ENO1: variants seen among roughly 807,000 people sequenced by gnomAD.
ENO1 encodes the protein enolase 1.
Under a neutral mutation model 46.3 loss-of-function variants are expected in ENO1, and 33 were observed. That is an observed-to-expected ratio of 0.71 (90% CI 0.54 to 0.95). The LOEUF is 0.95. Ranked by LOEUF, ENO1 falls within the 40% of genes least tolerant of loss-of-function variation. The pLI is 0.00. For missense variants in ENO1, 488 were observed against 553.3 expected, an observed-to-expected ratio of 0.88 and a Z score of 1.18; for synonymous variants, 220 against 216.0, an observed-to-expected ratio of 1.02 and a Z score of -0.16.
At chr1:8,870,857 T>G in intron 3 of ENO1, 1 of 1,317,338 alleles carries the variant, frequency 7.6e-7, no homozygotes, top group Admixed American at 3.3e-5. Flanking sequence ...AGGAACTCAT[T>G]AATATACTTA....
chr1:8,870,976 G>C, intron 3 of ENO1: 1 of 1,245,124 alleles, frequency 8.0e-7, no homozygotes, highest in Non-Finnish European at 1.0e-6. Context: ...GAGGGGGCAG[G>C]AAAGCAGAGG....
chr1:8,870,601 C>T (rs1642610717), intron 3 of ENO1, 91 bp from the exon 4 acceptor site: 12 of 1,577,026 alleles, frequency 7.6e-6, no homozygotes, highest in African/African-American at 4.0e-5. Context: ...GAGGCCGACG[C>T]GGAAGCCCAC....
intron 6 of ENO1, 44 bp from the exon 7 acceptor site, chr1:8,866,545 G>T: frequency 6.3e-7 from 1 of 1,599,600 alleles, no homozygotes. Flanking sequence ...GGTCCAGAGA[G>T]CCCCACAGGG....
intron 3 of ENO1, chr1:8,871,534 C>A (rs1233583960): frequency 1.9e-6 from 2 of 1,048,062 alleles, no homozygotes; most frequent in Non-Finnish European, 2.3e-6. Flanking sequence ...CTCTGGAGGG[C>A]CCACAGAACC....
intron 3 of ENO1, chr1:8,871,196 G>A: frequency 1.9e-6 from 2 of 1,065,778 alleles, no homozygotes; most frequent in Non-Finnish European, 2.3e-6. Context: ...TGCGACACCA[G>A]CCCAGTGTTT....
Position 8,865,289 on chromosome 1 carries a change from G to A in ENO1, c.861C>T (p.Tyr287=), listed in dbSNP as rs1159162352. 2 of 1,614,130 alleles carry A rather than the reference G, an allele frequency of 1.2e-6. No individual in the cohort carries two copies. Among genetic ancestry groups the A allele is most frequent in the African/African-American group, 1.3e-5 (1 of 75,034 alleles). Reference sequence around the variant, plus strand: ...TGGCACTCGGGGAACACTCACCTGGGTAGTCCTTGATGAAGGACTTGTACA... The same window carrying A: ...TGGCACTCGGGGAACACTCACCTGGATAGTCCTTGATGAAGGACTTGTACA... ...ADLYKSFIKD[Y]PVVSIEDPFD... Residue 287 remains tyrosine, a synonymous_variant, in exon 8 of 12, where the codon TAC becomes TAT. Transcript: ENST00000234590.
At chr1:8,876,029 C>T (rs143673335) in intron 1 of ENO1, 7 of 151,776 alleles carry the variant, frequency 4.6e-5, no homozygotes, top group African/African-American at 1.7e-4. Context: ...CCTTTAACAC[C>T]ACCTTAAAAA....
rs1239302356 is a variant in ENO1, at chr1:8,874,833, T to C, written c.76A>G (p.Thr26Ala). ...AGGAGGTGGCACATACCTTTTGAGG[T>C]GAAGAGATCAACCTCAACAGTGGGA... is the stretch of plus-strand genomic sequence containing the variant. ...GNPTVEVDLF[T>A]SKGLFRAAVP... Residue 26 changes from threonine to alanine, a missense_variant, in exon 2 of 12, where the codon ACC becomes GCC. Physicochemically the swap from Thr to Ala is moderately conservative, Grantham distance 58. Transcript: ENST00000234590. 1 of 1,613,070 alleles carries C rather than the reference T, an allele frequency of 6.2e-7. No homozygotes were observed. The highest frequency in any genetic ancestry group is 1.3e-5 in the African/African-American group (1 of 74,882).
At chr1:8,870,663 CG>C (rs1394403490) in intron 3 of ENO1, 153 bp from the exon 4 acceptor site, 4 of 1,488,000 alleles carry the variant, frequency 2.7e-6, no homozygotes, top group Non-Finnish European at 2.7e-6. Context: ...CCCCCAGAAT[CG>C]GAGGACTTTC....
chr1:8,878,180 C>A (rs1032561220), intron 1 of ENO1: 1 of 171,316 alleles, frequency 5.8e-6, no homozygotes, highest in African/African-American at 2.4e-5. Flanking sequence ...GAGTGGCCAC[C>A]GCCGCTAAGT....
chr1:8,867,550 A>C (rs1408502608), intron 5 of ENO1, among the ~76,000 whole-genome samples: 1 of 114,436 alleles, frequency 8.7e-6, no homozygotes, highest in Non-Finnish European at 2.1e-5. Context: ...TATTCAAAAA[A>C]AATTTTTTTT....
At chr1:8,876,516 T>C (rs1005687888) in intron 1 of ENO1, among the ~76,000 whole-genome samples, 3 of 152,220 alleles carry the variant, frequency 2.0e-5, no homozygotes, top group Admixed American at 6.5e-5. Flanking sequence ...ACCACTGTGG[T>C]ATACTTTGAG....
At chr1:8,868,113 T>C (rs1642561947) in intron 4 of ENO1, 56 bp from the exon 5 acceptor site, 2 of 1,271,270 alleles carry the variant, frequency 1.6e-6, no homozygotes, top group South Asian at 2.5e-5. Context: ...GCATAGCCTT[T>C]GCTCCCCTAC....
chr1:8,866,621 AG>A, intron 6 of ENO1, 120 bp from the exon 7 acceptor site: 1 of 1,071,626 alleles, frequency 9.3e-7, no homozygotes, highest in Non-Finnish European at 1.4e-6. Context: ...TTGCTTCTTG[AG>A]GAGCACCAGA....
chr1:8,861,988 A>G (rs1642415424), intron 11 of ENO1, among the ~76,000 whole-genome samples: 2 of 152,050 alleles, frequency 1.3e-5, no homozygotes, highest in Non-Finnish European at 2.9e-5. Context: ...TCTATTAAAA[A>G]TACAAAACAA....
intron 8 of ENO1, among the ~76,000 whole-genome samples, chr1:8,864,334 T>C (rs541165261): frequency 6.6e-6 from 1 of 152,202 alleles, no homozygotes; most frequent in Non-Finnish European, 1.5e-5. Flanking sequence ...AAAATCTCAC[T>C]CTGTCACCCA....
chr1:8,878,343 C>T (rs1569930244), intron 1 of ENO1: 2 of 309,916 alleles, frequency 6.5e-6, no homozygotes, highest in East Asian at 2.2e-4. Flanking sequence ...TTGATCTGCA[C>T]TTTCCCCTCC....
At chr1:8,874,951 A>T in intron 1 of ENO1, 34 bp from the exon 2 acceptor site, 1 of 1,560,274 alleles carries the variant, frequency 6.4e-7, no homozygotes, top group South Asian at 1.1e-5. Flanking sequence ...TGTTTTCCAT[A>T]AGCCATAATG....
chr1:8,865,872 GGCAGGATCCTC>G, intron 7 of ENO1: 1 of 328,048 alleles, frequency 3.0e-6, no homozygotes, highest in South Asian at 2.9e-5. Context: ...AGCCCGGGAT[GGCAGGATCCTC>G]CCGCCAGGCT....
Sources: allele counts gnomAD v4.1 joint callset (sites outside exome capture counted in the v4.1 genomes callset), GRCh38; gene constraint gnomAD v4.1.1; transcripts MANE v1.5; gene names NCBI Gene and HGNC (gene_info 2026-07-23, HGNC 2026-07-21).